Variants in GRID1 observed in about 807,000 individuals in gnomAD.
The protein encoded by GRID1 is glutamate receptor ionotropic, delta-1.
GRID1 carries 28 observed loss-of-function variants against 98.0 expected under a neutral mutation model. The observed-to-expected ratio is 0.29, with a 90% CI of 0.21 to 0.39. The LOEUF is 0.39. Ranked by LOEUF, GRID1 falls within the 10% of genes least tolerant of loss-of-function variation. GRID1 has a pLI of 1.00. For synonymous variants in GRID1, 553 were observed against 538.5 expected, an observed-to-expected ratio of 1.03 and a Z score of -0.37; for missense variants, 1,111 against 1,340.5, an observed-to-expected ratio of 0.83 and a Z score of 2.67.
chr10:85,840,334 C>T (rs1223619046), intron 8 of GRID1, among the ~76,000 whole-genome samples: 1 of 151,266 alleles, frequency 6.6e-6, no homozygotes, highest in African/African-American at 2.4e-5. Context: ...TATCCTTGAA[C>T]CTCAAAATAA....
intron 4 of GRID1, among the ~76,000 whole-genome samples, chr10:85,996,151 C>T (rs529911222): frequency 1.3e-5 from 2 of 152,272 alleles, no homozygotes; most frequent in African/African-American, 4.8e-5. Flanking sequence ...AACCAAGAGT[C>T]ATAATATTCA....
chr10:85,876,368 T>C (rs534977819), intron 5 of GRID1, among the ~76,000 whole-genome samples: 115 of 152,248 alleles, frequency 7.6e-4, no homozygotes, highest in African/African-American at 2.7e-3. Context: ...GCCTCTGTGG[T>C]TGCATCACCT....
chr10:86,189,183 G>A (rs1351715815), intron 3 of GRID1, among the ~76,000 whole-genome samples: 1 of 152,100 alleles, frequency 6.6e-6, no homozygotes, highest in Non-Finnish European at 1.5e-5. Flanking sequence ...TGGAATCCAG[G>A]ACTCAAACCA....
intron 12 of GRID1, among the ~76,000 whole-genome samples, chr10:85,673,354 C>T (rs1020889438): frequency 6.6e-6 from 1 of 152,184 alleles, no homozygotes; most frequent in African/African-American, 2.4e-5. Context: ...GAAGAAGTGG[C>T]AAGGTTTGAG....
chr10:85,917,939 C>T (rs1038676385), intron 4 of GRID1, among the ~76,000 whole-genome samples: 5 of 152,236 alleles, frequency 3.3e-5, no homozygotes, highest in African/African-American at 9.6e-5. Flanking sequence ...CCACCCCATC[C>T]AGAGCCTCTC....
At chr10:85,624,366 A>G (rs1302791636) in intron 13 of GRID1, among the ~76,000 whole-genome samples, 1 of 152,224 alleles carries the variant, frequency 6.6e-6, no homozygotes, top group Non-Finnish European at 1.5e-5. Context: ...ATGCCTTAGC[A>G]TAAGGCTGGT....
At chr10:86,097,455 G>A (rs552866177) in intron 4 of GRID1, among the ~76,000 whole-genome samples, 6 of 152,244 alleles carry the variant, frequency 3.9e-5, no homozygotes, top group South Asian at 4.2e-4. Flanking sequence ...TCTATCATCT[G>A]TCTACCGTCT....
chr10:86,308,331 C>A (rs1159749226), intron 2 of GRID1, among the ~76,000 whole-genome samples: 1 of 152,230 alleles, frequency 6.6e-6, no homozygotes, highest in African/African-American at 2.4e-5. Context: ...GAGGCCCTAG[C>A]CCCTGGTCCC....
At chr10:85,865,525 G>A in intron 6 of GRID1, among the ~76,000 whole-genome samples, 1 of 152,056 alleles carries the variant, frequency 6.6e-6, no homozygotes, top group East Asian at 1.9e-4. Context: ...TTGGTGGGGG[G>A]GAAGAAAGAT....
intron 8 of GRID1, among the ~76,000 whole-genome samples, chr10:85,749,341 T>A (rs1842025468): frequency 6.6e-6 from 1 of 152,094 alleles, no homozygotes; most frequent in African/African-American, 2.4e-5. Flanking sequence ...TGGGGTAGAA[T>A]AACAGGATAG....
At chr10:86,289,142 A>G (rs1336428546) in intron 2 of GRID1, among the ~76,000 whole-genome samples, 1 of 152,166 alleles carries the variant, frequency 6.6e-6, no homozygotes, top group Non-Finnish European at 1.5e-5. Flanking sequence ...ATGGACCCCC[A>G]GTGCTGGTTG....
At chr10:85,859,057 T>A (rs1843139930) in intron 6 of GRID1, among the ~76,000 whole-genome samples, 1 of 152,216 alleles carries the variant, frequency 6.6e-6, no homozygotes, top group African/African-American at 2.4e-5. Context: ...GCTTGAGCAA[T>A]GCTCTTTTCC....
chr10:86,215,292 C>T (rs1846159380), intron 2 of GRID1, among the ~76,000 whole-genome samples: 2 of 152,194 alleles, frequency 1.3e-5, no homozygotes, highest in Non-Finnish European at 1.5e-5. Flanking sequence ...AGGTGGGCAG[C>T]TCATGCAGTC....
chr10:85,865,930 TATATATATATATAC>T (rs1223742318), intron 6 of GRID1, among the ~76,000 whole-genome samples: 6 of 114,496 alleles, frequency 5.2e-5, no homozygotes, highest in African/African-American at 6.9e-5. Flanking sequence ...TATATATATA[TATATATATATATAC>T]ACATATATAT....
At chr10:85,817,306 C>G (rs1590245180) in intron 8 of GRID1, among the ~76,000 whole-genome samples, 1 of 147,836 alleles carries the variant, frequency 6.8e-6, no homozygotes, top group East Asian at 2.1e-4. Context: ...AGTGAGAGAA[C>G]TGCTTGGGTC....
intron 8 of GRID1, among the ~76,000 whole-genome samples, chr10:85,849,723 C>T (rs1030477878): frequency 1.3e-5 from 2 of 152,192 alleles, no homozygotes; most frequent in African/African-American, 4.8e-5. Context: ...CTTGCTGGTG[C>T]TATGCATCTC....
intron 4 of GRID1, among the ~76,000 whole-genome samples, chr10:86,051,747 T>TA (rs199789324): frequency 0.01 from 1,597 of 152,354 alleles, 23 homozygotes; most frequent in African/African-American, 0.036. Context: ...ATACTATTTT[T>TA]ATCCATCAGA....
At chr10:86,104,173 C>G (rs1299774607) in intron 4 of GRID1, among the ~76,000 whole-genome samples, 1 of 152,164 alleles carries the variant, frequency 6.6e-6, no homozygotes, top group Non-Finnish European at 1.5e-5. Flanking sequence ...GACATACGGA[C>G]CAGGGTTCAA....
chr10:85,905,536 A>C (rs755710367), intron 5 of GRID1, among the ~76,000 whole-genome samples: 3 of 152,158 alleles, frequency 2.0e-5, no homozygotes, highest in Non-Finnish European at 4.4e-5. Flanking sequence ...GACTGTTTTA[A>C]TAAACATAAT....
Sources: gnomAD v4.1 joint callset for allele counts (sites outside exome capture counted in the v4.1 genomes callset) on GRCh38, gnomAD v4.1.1 for gene constraint, MANE v1.5 for transcripts, NCBI Gene and HGNC (gene_info 2026-07-23, HGNC 2026-07-21) for gene names.